Variants in CACNA1C observed in about 807,000 individuals in gnomAD.
CACNA1C encodes the protein voltage-dependent L-type calcium channel subunit alpha-1C.
CACNA1C carries 30 observed loss-of-function variants against 229.0 expected under a neutral mutation model. The observed-to-expected ratio is 0.13, with a 90% CI of 0.10 to 0.18. The LOEUF (loss-of-function observed/expected upper bound fraction) is 0.18, where lower values mean the gene tolerates loss of function less well. Among genes scored for constraint, CACNA1C ranks in the 10% least tolerant of loss-of-function variants. The pLI is 1.00. For synonymous variants in CACNA1C, 1,114 were observed against 1,132.5 expected, an observed-to-expected ratio of 0.98 and a Z score of 0.33; for missense variants, 1,658 against 2,845.0, an observed-to-expected ratio of 0.58 and a Z score of 9.49.
At chr12:2,337,184 G>C (rs1466431401) in intron 3 of CACNA1C, among the ~76,000 whole-genome samples, 1 of 152,208 alleles carries the variant, frequency 6.6e-6, no homozygotes, top group Non-Finnish European at 1.5e-5. Flanking sequence ...CCAAGGTTTT[G>C]GGATTCCAAG....
At chr12:2,038,550 G>A (rs2049537879) in intron 1 of CACNA1C, among the ~76,000 whole-genome samples, 1 of 152,146 alleles carries the variant, frequency 6.6e-6, no homozygotes, top group South Asian at 2.1e-4. Flanking sequence ...TTAAGATACA[G>A]AGTCCAGTTT....
In CACNA1C at chr12:2,377,392, A is replaced by G. The variant is rs1216296948; in HGVS notation, c.478-71584A>G. Reference sequence around the variant, plus strand: ...GACAAACATGGCGAACACCACATGCACCCAGCTGCAACAGCGCTGCACCCC... The same window carrying G: ...GACAAACATGGCGAACACCACATGCGCCCAGCTGCAACAGCGCTGCACCCC... On this transcript the variant is annotated intron_variant, in intron 3 of 46. Transcript: ENST00000399655. Among the ~76,000 whole-genome samples the G allele has an allele frequency of 2.0e-5, 3 of 152,060 alleles. No individual in the cohort carries two copies. The East Asian group carries it at 5.8e-4, about 29-fold the overall frequency.
intron 46 of CACNA1C, chr12:2,690,313 C>G (rs1289289393): frequency 6.5e-6 from 1 of 153,318 alleles, no homozygotes; most frequent in Non-Finnish European, 1.4e-5. Context: ...CTCTGAGAGC[C>G]AAACCTTCTC....
intron 5 of CACNA1C, among the ~76,000 whole-genome samples, chr12:2,460,086 T>C (rs1000042155): frequency 3.3e-5 from 5 of 152,258 alleles, no homozygotes; most frequent in Non-Finnish European, 7.3e-5. Context: ...AGCTGGACTC[T>C]GGGCTTGACC....
intron 4 of CACNA1C, among the ~76,000 whole-genome samples, chr12:2,454,655 ACT>A (rs1177479013): frequency 1.3e-5 from 2 of 151,724 alleles, no homozygotes; most frequent in Non-Finnish European, 2.9e-5. Flanking sequence ...AGTTGAGCAG[ACT>A]CTCACTTTAC....
chr12:2,416,853 G>A (rs997223515), intron 3 of CACNA1C, among the ~76,000 whole-genome samples: 4 of 152,212 alleles, frequency 2.6e-5, no homozygotes, highest in African/African-American at 9.7e-5. Flanking sequence ...GAGGCTAAGG[G>A]ACTGGCCAGA....
At chr12:2,310,744 C>T (rs114564106) in intron 3 of CACNA1C, among the ~76,000 whole-genome samples, 4,476 of 152,230 alleles carry the variant, frequency 0.029, 223 homozygotes, top group African/African-American at 0.1. Flanking sequence ...GTTCTCTGGG[C>T]ATGAGAGATG....
chr12:2,052,688 G>A (rs2052574333), upstream of CACNA1C, among the ~76,000 whole-genome samples: 2 of 145,492 alleles, frequency 1.4e-5, no homozygotes, highest in South Asian at 4.2e-4. Flanking sequence ...TCCTCACGCC[G>A]CCCCTCGCCC....
At chr12:2,336,825 C>A (rs2096710543) in intron 3 of CACNA1C, among the ~76,000 whole-genome samples, 1 of 152,104 alleles carries the variant, frequency 6.6e-6, no homozygotes, top group South Asian at 2.1e-4. Flanking sequence ...TCCTGATGGG[C>A]AGCAGTGGTG....
chr12:2,516,584 T>C (rs1376549966), intron 9 of CACNA1C, among the ~76,000 whole-genome samples: 1 of 152,050 alleles, frequency 6.6e-6, no homozygotes, highest in African/African-American at 2.4e-5. Context: ...GACTTCAGGA[T>C]GATGTCATTT....
chr12:2,164,501 C>T (rs79588812), intron 3 of CACNA1C, among the ~76,000 whole-genome samples: 4,522 of 152,046 alleles, frequency 0.03, 209 homozygotes, highest in African/African-American at 0.1. Flanking sequence ...TAGACTAAGC[C>T]GAAGAGATGC....
intron 11 of CACNA1C, among the ~76,000 whole-genome samples, chr12:2,560,264 T>A (rs1421868730): frequency 6.6e-6 from 1 of 152,242 alleles, no homozygotes; most frequent in Non-Finnish European, 1.5e-5. Context: ...TTCAAAGTAT[T>A]CCTGATCATT....
intron 3 of CACNA1C, among the ~76,000 whole-genome samples, chr12:2,272,799 G>A (rs1307991642): frequency 2.0e-5 from 3 of 152,218 alleles, no homozygotes; most frequent in South Asian, 2.1e-4. Flanking sequence ...TCTATGACTA[G>A]TGCTACGTTA....
intron 3 of CACNA1C, among the ~76,000 whole-genome samples, chr12:2,310,352 A>AATATAT (rs35448122): frequency 0.016 from 2,285 of 139,750 alleles, 65 homozygotes; most frequent in African/African-American, 0.049. Context: ...TAAAAAAAAA[A>AATATAT]ATATATATAT....
chr12:2,102,367 G>A (rs943970260), intron 1 of CACNA1C, among the ~76,000 whole-genome samples: 1 of 152,142 alleles, frequency 6.6e-6, no homozygotes, highest in Non-Finnish European at 1.5e-5. Flanking sequence ...GGGAAAATAA[G>A]AGAAGGACCC....
At chr12:2,562,263 GC>G (rs1320614486) in intron 11 of CACNA1C, among the ~76,000 whole-genome samples, 1 of 152,130 alleles carries the variant, frequency 6.6e-6, no homozygotes, top group Non-Finnish European at 1.5e-5. Flanking sequence ...GGAAAAAGGG[GC>G]ATAATCAAGC....
At chr12:2,503,257 C>G (rs745673591) in intron 7 of CACNA1C, among the ~76,000 whole-genome samples, 2 of 152,070 alleles carry the variant, frequency 1.3e-5, no homozygotes, top group Admixed American at 6.5e-5. Context: ...TGAAGCTGTT[C>G]GTCCGTGGGC....
chr12:2,450,355 C>A (rs943724614), intron 4 of CACNA1C, among the ~76,000 whole-genome samples: 5 of 151,804 alleles, frequency 3.3e-5, no homozygotes, highest in South Asian at 2.1e-4. Context: ...GAGATCGAGA[C>A]CATCCTGGCT....
intron 3 of CACNA1C, among the ~76,000 whole-genome samples, chr12:2,332,560 CAAATA>C (rs772251904): frequency 1.6e-4 from 24 of 152,244 alleles, no homozygotes; most frequent in South Asian, 6.2e-4. Context: ...CATTTCTGCT[CAAATA>C]AAATAAACAA....
Sources: gnomAD v4.1 joint callset for allele counts (sites outside exome capture counted in the v4.1 genomes callset) on GRCh38, gnomAD v4.1.1 for gene constraint, MANE v1.5 for transcripts, NCBI Gene and HGNC (gene_info 2026-07-23, HGNC 2026-07-21) for gene names.